Variants in NOX4 observed in about 807,000 individuals in gnomAD.
NOX4 encodes the protein kidney oxidase-1.
NOX4 carries 69 observed loss-of-function variants against 87.6 expected under a neutral mutation model. The ratio of observed to expected loss-of-function variants is 0.79; its 90% confidence interval spans 0.65 to 0.96. The LOEUF (loss-of-function observed/expected upper bound fraction) is 0.96, where lower values mean the gene tolerates loss of function less well. Ranked by LOEUF, NOX4 falls within the 40% of genes least tolerant of loss-of-function variation. The pLI, the probability that NOX4 is intolerant of heterozygous loss-of-function variation, is 0.00. For synonymous variants in NOX4, 275 were observed against 238.2 expected, an observed-to-expected ratio of 1.15 and a Z score of -1.42; for missense variants, 680 against 681.5, an observed-to-expected ratio of 1.00 and a Z score of 0.02.
the NOX4 span, among the ~76,000 whole-genome samples, chr11:89,574,060 T>C: frequency 1.8e-4 from 28 of 152,312 alleles, no homozygotes; most frequent in African/African-American, 6.7e-4. Context: ...TTAATGTTAA[T>C]AGCTTTGGAT....
At chr11:89,465,067 AC>A (rs1945617582) in intron 2 of NOX4, among the ~76,000 whole-genome samples, 1 of 152,126 alleles carries the variant, frequency 6.6e-6, no homozygotes, top group Admixed American at 6.5e-5. Flanking sequence ...GTATACACGT[AC>A]CATGGTGGTT....
At position 89,400,345 on chromosome 11, in the gene NOX4, T is replaced by C. The variant is rs554420639; in HGVS notation, c.881A>G (p.Tyr294Cys). 9.4e-6 allele frequency: 15 copies of C among 1,602,382 alleles called. No homozygotes were observed. In the African/African-American group the frequency reaches 1.9e-4, roughly 20 times the overall value. Residue 294 changes from tyrosine (Y) to cysteine (C), a missense_variant, in exon 10 of 18, where the codon TAC becomes TGC. By Grantham distance (194) the Tyr-to-Cys change is radical. Transcript: ENST00000263317. Reference sequence around the variant, plus strand: ...ATACCTGTAAAGTCTTTCGGCACAGTACAGGCACAAAGGTCCAGAAATCCA... The same window carrying C: ...ATACCTGTAAAGTCTTTCGGCACAGCACAGGCACAAAGGTCCAGAAATCCA... ...WLWISGPLCL[Y>C]CAERLYRYIR... is the part of the protein sequence containing the mutation.
the NOX4 span, among the ~76,000 whole-genome samples, chr11:89,568,390 A>G: frequency 6.6e-6 from 1 of 152,198 alleles, no homozygotes; most frequent in Non-Finnish European, 1.5e-5. Context: ...TTTACCAACA[A>G]CATCCAAGCT....
the NOX4 span, among the ~76,000 whole-genome samples, chr11:89,514,984 G>T: frequency 6.6e-6 from 1 of 152,044 alleles, no homozygotes; most frequent in Middle Eastern, 3.4e-3. Flanking sequence ...GAATGAAAAT[G>T]ACATGACATC....
At chr11:89,542,236 C>A in the NOX4 span, among the ~76,000 whole-genome samples, 1 of 152,190 alleles carries the variant, frequency 6.6e-6, no homozygotes. Context: ...AAGATTGATT[C>A]TGCTTCCTAA....
the NOX4 span, among the ~76,000 whole-genome samples, chr11:89,516,657 A>G: frequency 6.6e-6 from 1 of 152,212 alleles, no homozygotes; most frequent in Admixed American, 6.5e-5. Flanking sequence ...TGAGGGTCTT[A>G]TCTGCATGTA....
upstream of NOX4, among the ~76,000 whole-genome samples, chr11:89,498,543 T>C (rs991491128): frequency 2.0e-5 from 3 of 152,102 alleles, no homozygotes; most frequent in East Asian, 5.8e-4. Context: ...CGAATGAAAA[T>C]AGAAAAACTG....
chr11:89,561,944 C>T, the NOX4 span, among the ~76,000 whole-genome samples: 1 of 152,066 alleles, frequency 6.6e-6, no homozygotes, highest in East Asian at 1.9e-4. Flanking sequence ...CATGAATATG[C>T]CCTGTAGATG....
chr11:89,428,023 A>G (rs554446834), intron 7 of NOX4, among the ~76,000 whole-genome samples: 3 of 152,348 alleles, frequency 2.0e-5, no homozygotes, highest in South Asian at 4.1e-4. Context: ...CTGATCTCTC[A>G]GCAGAAACTC....
intron 7 of NOX4, among the ~76,000 whole-genome samples, chr11:89,424,358 G>A (rs1943255989): frequency 6.7e-6 from 1 of 149,332 alleles, no homozygotes; most frequent in African/African-American, 2.5e-5. Context: ...GATTCTCTTA[G>A]AAACCTAATA....
At position 89,402,550 on chromosome 11, in the gene NOX4, T is replaced by G. The variant is rs1330145524; in HGVS notation, c.630-8A>C. ...TGATACTTCAGCAGCCCTCTAAAAT[T>G]ACATTTAAAACAAACAAACAGAGAA... On this transcript the variant is annotated splice_region_variant and splice_polypyrimidine_tract_variant and intron_variant, in intron 8 of 17. Transcript: ENST00000263317. 2 of 1,590,894 alleles carry G rather than the reference T, an allele frequency of 1.3e-6. No homozygotes were observed. Among genetic ancestry groups the G allele is most frequent in the South Asian group, 2.2e-5 (2 of 90,160 alleles).
At chr11:89,506,470 A>G in the NOX4 span, among the ~76,000 whole-genome samples, 1 of 151,806 alleles carries the variant, frequency 6.6e-6, no homozygotes, top group Non-Finnish European at 1.5e-5. Flanking sequence ...AAAGCCTACA[A>G]CTATAAAATA....
At chr11:89,399,920 T>C in intron 11 of NOX4, 97 bp downstream of exon 11, 2 of 753,230 alleles carry the variant, frequency 2.7e-6, no homozygotes, top group South Asian at 1.9e-5. Context: ...AGTACTATGA[T>C]AGCCTTGAAT....
intron 7 of NOX4, among the ~76,000 whole-genome samples, chr11:89,429,171 G>T (rs1458685940): frequency 6.6e-6 from 1 of 152,140 alleles, no homozygotes; most frequent in East Asian, 1.9e-4. Context: ...TGAGAAAAAA[G>T]ACACAACATA....
chr11:89,470,067 G>T (rs936582003), intron 2 of NOX4, among the ~76,000 whole-genome samples: 1 of 122,404 alleles, frequency 8.2e-6, no homozygotes, highest in African/African-American at 3.1e-5. Context: ...TTCCTCATCT[G>T]CAAAATGAAA....
intron 2 of NOX4, among the ~76,000 whole-genome samples, chr11:89,467,582 A>G (rs73535490): frequency 0.058 from 8,877 of 152,132 alleles, 791 homozygotes; most frequent in African/African-American, 0.2. Flanking sequence ...GCCTTCTGCT[A>G]GCATCCTCAC....
At chr11:89,510,513 C>T in the NOX4 span, among the ~76,000 whole-genome samples, 1 of 152,000 alleles carries the variant, frequency 6.6e-6, no homozygotes, top group African/African-American at 2.4e-5. Flanking sequence ...CATAAAGTCA[C>T]AGAAACTCTT....
chr11:89,386,750 TA>T (rs1173223913), intron 11 of NOX4, among the ~76,000 whole-genome samples: 19 of 152,070 alleles, frequency 1.2e-4, no homozygotes, highest in Non-Finnish European at 2.4e-4. Flanking sequence ...TATGACAACA[TA>T]AAAAAACTCA....
chr11:89,501,980 G>C (rs1187940252), upstream of NOX4, among the ~76,000 whole-genome samples: 1 of 152,074 alleles, frequency 6.6e-6, no homozygotes, highest in Admixed American at 6.6e-5. Flanking sequence ...GACAAAGGAA[G>C]ATATGTAACT....
Sources: allele counts gnomAD v4.1 joint callset (sites outside exome capture counted in the v4.1 genomes callset), GRCh38; gene constraint gnomAD v4.1.1; transcripts MANE v1.5; gene names NCBI Gene and HGNC (gene_info 2026-07-23, HGNC 2026-07-21).